TRAPPC9: variants seen among roughly 807,000 people sequenced by gnomAD.
TRAPPC9 encodes the protein IKK2 binding protein.
In TRAPPC9, 83 loss-of-function variants were observed where a neutral mutation model predicts 124.0. That is an observed-to-expected ratio of 0.67 (90% CI 0.56 to 0.80). The LOEUF is 0.80. TRAPPC9 is among the 30% of genes least tolerant of loss of function. TRAPPC9 has a pLI of 0.00. For missense variants in TRAPPC9, 1,302 were observed against 1,508.3 expected, an observed-to-expected ratio of 0.86 and a Z score of 2.27; for synonymous variants, 638 against 617.5, an observed-to-expected ratio of 1.03 and a Z score of -0.49.
At chr8:139,809,827 A>C (rs1824316215) in intron 21 of TRAPPC9, among the ~76,000 whole-genome samples, 1 of 152,102 alleles carries the variant, frequency 6.6e-6, no homozygotes, top group South Asian at 2.1e-4. Context: ...GAGCCACCAG[A>C]TACCCCACAT....
chr8:139,918,528 G>A (rs887633040), intron 19 of TRAPPC9, among the ~76,000 whole-genome samples: 3 of 152,214 alleles, frequency 2.0e-5, no homozygotes, highest in South Asian at 2.1e-4. Context: ...CGGCCAGAGC[G>A]AGGGGCCCTC....
chr8:140,435,482 G>A (rs1003044080), intron 3 of TRAPPC9, among the ~76,000 whole-genome samples: 5 of 152,230 alleles, frequency 3.3e-5, no homozygotes, highest in African/African-American at 1.2e-4. Context: ...GGCAGGCAAT[G>A]CAGAACACTC....
chr8:140,396,363 G>A (rs183130041), intron 7 of TRAPPC9, among the ~76,000 whole-genome samples: 195 of 151,920 alleles, frequency 1.3e-3, no homozygotes, highest in Non-Finnish European at 2.4e-3. Flanking sequence ...GGATGGTCTC[G>A]ATCTCCTGAC....
intron 21 of TRAPPC9, among the ~76,000 whole-genome samples, chr8:139,759,281 G>A (rs969333425): frequency 6.6e-6 from 1 of 152,192 alleles, no homozygotes; most frequent in Admixed American, 6.5e-5. Context: ...GAAGGGGCGG[G>A]GAGGAATACC....
Position 139,961,639 on chromosome 8 carries a change from C to T in TRAPPC9, c.2810+27087G>A, listed in dbSNP as rs1445354541. Among the ~76,000 whole-genome samples, 2 of 122,898 alleles carry T rather than the reference C, an allele frequency of 1.6e-5. 1 individual carries two copies. The highest frequency in any genetic ancestry group is 5.1e-5 in the African/African-American group (2 of 38,954). 80.6% of individuals were successfully genotyped at this position (122,898 alleles called of 152,430 possible). A position where few individuals can be genotyped will look rare whatever the true frequency, so the allele number is the denominator to read the frequency against. On this transcript the variant is annotated intron_variant, in intron 19 of 22. Coordinates refer to ENST00000438773, the MANE Select transcript of TRAPPC9 (RefSeq NM_001160372.4). ...CGTTTCTGCAGCCTGTAGCCTGCACCCTTGGGGGCCCCAGAAAGGACCCTC... is the reference window on the plus strand; with the variant it reads ...CGTTTCTGCAGCCTGTAGCCTGCACTCTTGGGGGCCCCAGAAAGGACCCTC...
chr8:140,111,529 T>G (rs2060775690), intron 17 of TRAPPC9, among the ~76,000 whole-genome samples: 1 of 152,172 alleles, frequency 6.6e-6, no homozygotes, highest in Non-Finnish European at 1.5e-5. Flanking sequence ...TGGAACGAGG[T>G]GGGCACTCAG....
chr8:140,101,379 A>G (rs907991119), intron 17 of TRAPPC9, among the ~76,000 whole-genome samples: 2 of 150,870 alleles, frequency 1.3e-5, no homozygotes, highest in Non-Finnish European at 3.0e-5. Flanking sequence ...CAGGTGATCC[A>G]CCCGCCTCTG....
intron 17 of TRAPPC9, chr8:140,098,600 G>C (rs527552744): frequency 6.6e-6 from 1 of 152,108 alleles, no homozygotes; most frequent in East Asian, 1.9e-4. Context: ...CGGGTTCTCC[G>C]CAGCCGTCCA....
At chr8:140,231,244 C>T (rs1342348086) in intron 16 of TRAPPC9, among the ~76,000 whole-genome samples, 1 of 152,166 alleles carries the variant, frequency 6.6e-6, no homozygotes, top group East Asian at 1.9e-4. Context: ...GCCAGCATTT[C>T]CAGGGACAGT....
chr8:140,427,083 G>A (rs890730553), intron 4 of TRAPPC9, among the ~76,000 whole-genome samples: 11 of 135,146 alleles, frequency 8.1e-5, no homozygotes, highest in African/African-American at 1.9e-4. Context: ...GCGCCACCAC[G>A]ACCGGCTAAT....
chr8:139,991,460 A>T (rs1253819612), intron 18 of TRAPPC9, among the ~76,000 whole-genome samples: 1 of 152,198 alleles, frequency 6.6e-6, no homozygotes, highest in Non-Finnish European at 1.5e-5. Context: ...CCCAGACTGC[A>T]GCAGTGGTTT....
At chr8:139,769,081 T>C (rs1820775710) in intron 21 of TRAPPC9, among the ~76,000 whole-genome samples, 1 of 152,250 alleles carries the variant, frequency 6.6e-6, no homozygotes, top group South Asian at 2.1e-4. Flanking sequence ...AATAACTTTT[T>C]GTTGTCTAAG....
chr8:140,217,791 A>G (rs1378750192), intron 17 of TRAPPC9, among the ~76,000 whole-genome samples: 3 of 152,126 alleles, frequency 2.0e-5, no homozygotes, highest in Non-Finnish European at 4.4e-5. Flanking sequence ...CAAGGCAGGC[A>G]GGTCACTTGA....
chr8:140,454,939 A>C (rs2071600547), intron 1 of TRAPPC9, among the ~76,000 whole-genome samples: 1 of 151,102 alleles, frequency 6.6e-6, no homozygotes, highest in East Asian at 1.9e-4. Context: ...GACTCTTTAA[A>C]AAAAAAAAAA....
intron 4 of TRAPPC9, among the ~76,000 whole-genome samples, chr8:140,434,306 AG>A (rs1319459379): frequency 1.3e-5 from 2 of 152,224 alleles, no homozygotes; most frequent in African/African-American, 2.4e-5. Context: ...CATTAAAGGC[AG>A]GTTCATTCAT....
intron 7 of TRAPPC9, among the ~76,000 whole-genome samples, chr8:140,392,514 T>C (rs1340268878): frequency 1.3e-5 from 2 of 152,218 alleles, no homozygotes; most frequent in African/African-American, 4.8e-5. Context: ...ATCTGCTCAG[T>C]ACCCATTTCC....
intron 17 of TRAPPC9, among the ~76,000 whole-genome samples, chr8:140,184,427 A>G (rs2062304715): frequency 6.6e-6 from 1 of 152,028 alleles, no homozygotes; most frequent in Non-Finnish European, 1.5e-5. Flanking sequence ...TATCTCTTAA[A>G]TACCTTTATT....
At chr8:140,427,607 G>A (rs2070474926) in intron 4 of TRAPPC9, among the ~76,000 whole-genome samples, 1 of 152,028 alleles carries the variant, frequency 6.6e-6, no homozygotes, top group African/African-American at 2.4e-5. Context: ...TCCCATCATG[G>A]CAAAACACAC....
intron 17 of TRAPPC9, among the ~76,000 whole-genome samples, chr8:140,191,764 G>A (rs2062496664): frequency 6.6e-6 from 1 of 152,110 alleles, no homozygotes; most frequent in Non-Finnish European, 1.5e-5. Flanking sequence ...AAGCCCAAAT[G>A]CTTGCCCAGC....
Sources: allele counts gnomAD v4.1 joint callset (sites outside exome capture counted in the v4.1 genomes callset), GRCh38; gene constraint gnomAD v4.1.1; transcripts MANE v1.5; gene names NCBI Gene and HGNC (gene_info 2026-07-23, HGNC 2026-07-21).